The following PRLR variants were observed in gnomAD, a reference collection of about 807,000 sequenced individuals.
The protein encoded by PRLR is hPRL receptor.
A neutral mutation model predicts 40.2 loss-of-function variants in PRLR; 13 were observed. That is an observed-to-expected ratio of 0.32 (90% CI 0.21 to 0.51). PRLR has a LOEUF of 0.51. Among genes scored for constraint, PRLR ranks in the 20% least tolerant of loss-of-function variants. The pLI is 0.97. For missense variants in PRLR, 656 were observed against 747.3 expected, an observed-to-expected ratio of 0.88 and a Z score of 1.42; for synonymous variants, 269 against 278.7, an observed-to-expected ratio of 0.97 and a Z score of 0.35.
chr5:35,093,615 G>A (rs1771357148), intron 2 of PRLR, among the ~76,000 whole-genome samples: 1 of 152,180 alleles, frequency 6.6e-6, no homozygotes, highest in African/African-American at 2.4e-5. Context: ...GGGATTCTGA[G>A]GTTCTTTTTA....
chr5:35,141,123 T>C (rs1774011884), intron 1 of PRLR, among the ~76,000 whole-genome samples: 1 of 152,140 alleles, frequency 6.6e-6, no homozygotes, highest in Admixed American at 6.5e-5. Context: ...GGGGCAGCTA[T>C]CTTGGGAACA....
chr5:35,200,629 C>G (rs770972825), intron 1 of PRLR, among the ~76,000 whole-genome samples: 1 of 152,068 alleles, frequency 6.6e-6, no homozygotes, highest in Non-Finnish European at 1.5e-5. Flanking sequence ...GAAGGAAGAG[C>G]CTAGGGTTTC....
intron 7 of PRLR, 87 bp from the exon 8 acceptor site, chr5:35,068,965 G>C: frequency 2.1e-6 from 2 of 967,656 alleles, no homozygotes; most frequent in Non-Finnish European, 3.2e-6. Context: ...TTAAACCCAA[G>C]AGTGTTTTCC....
chr5:35,183,510 G>GC (rs1775346304), intron 1 of PRLR, among the ~76,000 whole-genome samples: 1 of 152,216 alleles, frequency 6.6e-6, no homozygotes, highest in Non-Finnish European at 1.5e-5. Flanking sequence ...AAAGCTGGCA[G>GC]CCTGTGGTAT....
intron 2 of PRLR, among the ~76,000 whole-genome samples, chr5:35,096,080 G>C (rs1771519100): frequency 6.6e-6 from 1 of 152,212 alleles, no homozygotes. Flanking sequence ...GATAGGATTT[G>C]TCTAAACGAG....
chr5:35,214,469 T>A (rs1345115114), intron 1 of PRLR, among the ~76,000 whole-genome samples: 1 of 152,186 alleles, frequency 6.6e-6, no homozygotes, highest in Admixed American at 6.5e-5. Context: ...GCATTGAGGA[T>A]CAACTATAGA....
At chr5:35,227,569 A>G (rs1046215147) in intron 1 of PRLR, among the ~76,000 whole-genome samples, 1 of 152,244 alleles carries the variant, frequency 6.6e-6, no homozygotes, top group Admixed American at 6.5e-5. Flanking sequence ...GAATATTGCT[A>G]TCTTTGCATG....
intron 1 of PRLR, among the ~76,000 whole-genome samples, chr5:35,180,286 T>C (rs1775259243): frequency 6.6e-6 from 1 of 152,188 alleles, no homozygotes; most frequent in Non-Finnish European, 1.5e-5. Context: ...TAACAGGCCA[T>C]GGACCAATAC....
chr5:35,131,467 T>TAAG (rs1224383935), intron 1 of PRLR, among the ~76,000 whole-genome samples: 54 of 152,216 alleles, frequency 3.5e-4, no homozygotes, highest in African/African-American at 1.2e-3. Flanking sequence ...AGTGGGCTGG[T>TAAG]AAGAAGAACC....
At position 35,112,466 on chromosome 5, in the gene PRLR, C is replaced by T. The variant is rs533897502; in HGVS notation, c.-44+5595G>A. 1.1e-4 allele frequency among the ~76,000 whole-genome samples: 17 copies of T among 151,962 alleles called. No homozygotes were observed. The South Asian group carries it at 1.3e-3, about 11-fold the overall frequency. The stretch of plus-strand genomic sequence containing the variant: ...CCTTGTCATGCAAAGCAAGAGGAAC[C>T]GGAAATTGAAAGAGTGGTAAACCGG... On this transcript the variant is annotated intron_variant, in intron 2 of 9. Coordinates refer to ENST00000618457, the MANE Select transcript of PRLR (RefSeq NM_000949.7).
intron 5 of PRLR, among the ~76,000 whole-genome samples, chr5:35,079,674 C>A (rs1380667004): frequency 6.6e-6 from 1 of 152,148 alleles, no homozygotes; most frequent in Non-Finnish European, 1.5e-5. Flanking sequence ...ACTTTCTTCA[C>A]AGAATTGGAA....
intron 5 of PRLR, among the ~76,000 whole-genome samples, chr5:35,079,217 G>T (rs1770332429): frequency 6.6e-6 from 1 of 152,124 alleles, no homozygotes; most frequent in Non-Finnish European, 1.5e-5. Context: ...GGGCAATCAG[G>T]CAGGAGAAAG....
chr5:35,090,238 C>T (rs1194137672), intron 2 of PRLR, among the ~76,000 whole-genome samples: 2 of 152,144 alleles, frequency 1.3e-5, no homozygotes, highest in East Asian at 1.9e-4. Flanking sequence ...TGAACCTCCA[C>T]GTGGTTTCTT....
intron 2 of PRLR, among the ~76,000 whole-genome samples, chr5:35,099,948 G>A (rs891147656): frequency 5.3e-5 from 8 of 152,074 alleles, no homozygotes; most frequent in East Asian, 1.9e-4. Flanking sequence ...AGGCTGAAGC[G>A]GGCAGATCAT....
chr5:35,106,136 A>G (rs188766974), intron 2 of PRLR, among the ~76,000 whole-genome samples: 117 of 152,358 alleles, frequency 7.7e-4, no homozygotes, highest in African/African-American at 2.5e-3. Context: ...AAGCTTCATA[A>G]GTGAAGGAGA....
chr5:35,175,811 T>C (rs1775131840), intron 1 of PRLR, among the ~76,000 whole-genome samples: 1 of 152,124 alleles, frequency 6.6e-6, no homozygotes, highest in East Asian at 1.9e-4. Flanking sequence ...GCAACATCCT[T>C]CCACACTCAC....
chr5:35,123,408 G>C (rs541576656), intron 1 of PRLR, among the ~76,000 whole-genome samples: 2 of 152,304 alleles, frequency 1.3e-5, no homozygotes, highest in African/African-American at 4.8e-5. Context: ...AAACATAAGT[G>C]ACATTTGGAG....
chr5:35,108,587 C>G (rs545196346), intron 2 of PRLR, among the ~76,000 whole-genome samples: 1 of 152,064 alleles, frequency 6.6e-6, no homozygotes, highest in African/African-American at 2.4e-5. Context: ...AAACAGAAAG[C>G]CAAATCATGA....
chr5:35,099,164 C>T (rs917455627), intron 2 of PRLR, among the ~76,000 whole-genome samples: 3 of 152,110 alleles, frequency 2.0e-5, no homozygotes, highest in African/African-American at 7.2e-5. Flanking sequence ...CATTGCTTCC[C>T]CTGTCGTTAG....
Sources: allele counts gnomAD v4.1 joint callset (sites outside exome capture counted in the v4.1 genomes callset), GRCh38; gene constraint gnomAD v4.1.1; transcripts MANE v1.5; gene names NCBI Gene and HGNC (gene_info 2026-07-23, HGNC 2026-07-21).